The following MRPS27 variants were observed in gnomAD, a reference collection of about 807,000 sequenced individuals.
MRPS27 encodes the protein mitochondrial ribosomal protein S27.
A neutral mutation model predicts 48.9 loss-of-function variants in MRPS27; 43 were observed. That is an observed-to-expected ratio of 0.88 (90% CI 0.69 to 1.13). The LOEUF is 1.13. Ranked by LOEUF, MRPS27 falls within the 50% of genes most tolerant of loss-of-function variation. The probability of loss-of-function intolerance (pLI) is 0.00; values close to 1 mark genes in which losing one functional copy is unlikely to be tolerated. For missense variants in MRPS27, 467 were observed against 476.3 expected (o/e 0.98, Z 0.18); for synonymous variants, 188 against 171.9 (o/e 1.09, Z -0.73).
intron 4 of MRPS27, among the ~76,000 whole-genome samples, chr5:72,267,599 T>C (rs1749136163): frequency 6.6e-6 from 1 of 152,240 alleles, no homozygotes; most frequent in South Asian, 2.1e-4. Flanking sequence ...AAATATTTAT[T>C]GAGGCTCAGC....
At chr5:72,293,865 G>T (rs1016151254) in intron 4 of MRPS27, among the ~76,000 whole-genome samples, 1 of 152,120 alleles carries the variant, frequency 6.6e-6, no homozygotes, top group Non-Finnish European at 1.5e-5. Flanking sequence ...ATGAGAACTG[G>T]CCAGATGCCA....
chr5:72,313,329 G>C (rs763653071), intron 2 of MRPS27, among the ~76,000 whole-genome samples: 7 of 152,134 alleles, frequency 4.6e-5, no homozygotes, highest in Non-Finnish European at 7.3e-5. Context: ...AAAGAAATCT[G>C]GGGGAATATA....
intron 4 of MRPS27, among the ~76,000 whole-genome samples, chr5:72,273,279 T>A (rs936027198): frequency 2.0e-5 from 3 of 152,066 alleles, no homozygotes; most frequent in Non-Finnish European, 2.9e-5. Context: ...TTCGAGAAAG[T>A]GAGAAAAAAT....
chr5:72,267,020 C>T (rs558174666), intron 4 of MRPS27, among the ~76,000 whole-genome samples: 18 of 152,160 alleles, frequency 1.2e-4, no homozygotes, highest in Non-Finnish European at 2.6e-4. Context: ...AGCAGTGTCC[C>T]TTTGTATCTA....
chr5:72,298,665 C>T (rs993228033), intron 2 of MRPS27, among the ~76,000 whole-genome samples: 2 of 142,578 alleles, frequency 1.4e-5, no homozygotes, highest in Non-Finnish European at 3.0e-5. Context: ...GAGATTGCGC[C>T]ACTGCAGTCC....
chr5:72,227,634 A>G (rs914286855), intron 8 of MRPS27: 4 of 152,232 alleles, frequency 2.6e-5, no homozygotes, highest in African/African-American at 9.6e-5. Flanking sequence ...ATTTAGGTTG[A>G]ATCTTATTTA....
chr5:72,263,388 C>A (rs1317666460), intron 4 of MRPS27, among the ~76,000 whole-genome samples: 1 of 151,350 alleles, frequency 6.6e-6, no homozygotes, highest in Non-Finnish European at 1.5e-5. Flanking sequence ...AGATATGACA[C>A]CAAAAGCATT....
At chr5:72,269,328 C>T (rs1040585967) in intron 4 of MRPS27, among the ~76,000 whole-genome samples, 9 of 152,200 alleles carry the variant, frequency 5.9e-5, no homozygotes, top group Admixed American at 5.9e-4. Context: ...ATATCTGAGA[C>T]TTTCAGCCAC....
At chr5:72,238,163 A>T (rs774267673) in intron 4 of MRPS27, 35 bp from the exon 5 acceptor site, 9 of 1,409,866 alleles carry the variant, frequency 6.4e-6, no homozygotes, top group African/African-American at 4.2e-5. Context: ...AACTGGTGTT[A>T]ACTCTTATAT....
At chr5:72,259,468 C>CAAA (rs11286212) in intron 4 of MRPS27, among the ~76,000 whole-genome samples, 27 of 127,824 alleles carry the variant, frequency 2.1e-4, no homozygotes, top group Non-Finnish European at 3.7e-4. Context: ...AACTTCGTCT[C>CAAA]AAAAAAAAAA....
intron 4 of MRPS27, among the ~76,000 whole-genome samples, chr5:72,278,496 TTA>T (rs899157100): frequency 6.6e-6 from 1 of 152,248 alleles, no homozygotes; most frequent in Non-Finnish European, 1.5e-5. Flanking sequence ...GATTTTCTTT[TTA>T]AGCCAATAAA....
At chr5:72,318,982 T>G (rs868316177) in intron 1 of MRPS27, among the ~76,000 whole-genome samples, 3 of 152,210 alleles carry the variant, frequency 2.0e-5, no homozygotes, top group South Asian at 4.1e-4. Flanking sequence ...GGTCAGCCAC[T>G]TAATCTTCAG....
chr5:72,223,166 G>T (rs1461127135), intron 10 of MRPS27, among the ~76,000 whole-genome samples: 1 of 152,186 alleles, frequency 6.6e-6, no homozygotes, highest in Non-Finnish European at 1.5e-5. Context: ...GGCTGTTCTG[G>T]AAAGAAACAA....
intron 2 of MRPS27, among the ~76,000 whole-genome samples, chr5:72,303,275 GTTTAT>G (rs1156486611): frequency 2.6e-5 from 4 of 152,150 alleles, no homozygotes; most frequent in South Asian, 2.1e-4. Flanking sequence ...AATATACATA[GTTTAT>G]TTTATGTGAA....
chr5:72,245,022 G>C (rs889852574), intron 4 of MRPS27, among the ~76,000 whole-genome samples: 1 of 151,614 alleles, frequency 6.6e-6, no homozygotes, highest in Admixed American at 6.6e-5. Flanking sequence ...TTACTTGTGG[G>C]GAGAATGGGA....
chr5:72,286,213 T>A (rs1349161077), intron 4 of MRPS27, among the ~76,000 whole-genome samples: 1 of 152,196 alleles, frequency 6.6e-6, no homozygotes, highest in African/African-American at 2.4e-5. Context: ...TGTATGTGTG[T>A]ATACACACAC....
intron 7 of MRPS27, 88 bp from the exon 8 acceptor site, chr5:72,228,456 C>T: frequency 1.3e-6 from 1 of 794,050 alleles, no homozygotes; most frequent in Non-Finnish European, 2.1e-6. Context: ...AGGAAAAGAA[C>T]ATGTTATAGC....
chr5:72,251,923 T>C (rs1269031145), intron 4 of MRPS27, among the ~76,000 whole-genome samples: 1 of 152,172 alleles, frequency 6.6e-6, no homozygotes, highest in Non-Finnish European at 1.5e-5. Context: ...TGAAAGGAGT[T>C]TAAGGCTGAA....
chr5:72,283,989 G>C (rs992009031), intron 4 of MRPS27, among the ~76,000 whole-genome samples: 3 of 151,906 alleles, frequency 2.0e-5, no homozygotes, highest in African/African-American at 7.3e-5. Flanking sequence ...TATATGCATA[G>C]ACAATTTCCT....
Sources: allele counts gnomAD v4.1 joint callset (sites outside exome capture counted in the v4.1 genomes callset), GRCh38; gene constraint gnomAD v4.1.1; transcripts MANE v1.5; gene names NCBI Gene and HGNC (gene_info 2026-07-23, HGNC 2026-07-21).